Variants in SLC6A13 observed in about 807,000 individuals in gnomAD.
SLC6A13 encodes sodium- and chloride-dependent GABA transporter 2.
Under a neutral mutation model 72.9 loss-of-function variants are expected in SLC6A13, and 69 were observed. That is an observed-to-expected ratio of 0.95 (90% CI 0.78 to 1.16). The LOEUF is 1.16. Among genes scored for constraint, SLC6A13 ranks in the 50% most tolerant of loss-of-function variants. The pLI is 0.00. For missense variants in SLC6A13, 735 were observed against 760.5 expected (o/e 0.97, Z 0.39); for synonymous variants, 303 against 303.0 (o/e 1.00, Z 0.00).
chr12:240,239 T>C (rs1305836021), intron 4 of SLC6A13, among the ~76,000 whole-genome samples: 1 of 152,190 alleles, frequency 6.6e-6, no homozygotes, highest in Non-Finnish European at 1.5e-5. Flanking sequence ...AGTCTTTCTC[T>C]ATTACCCAGG....
intron 11 of SLC6A13, 115 bp downstream of exon 11, chr12:223,877 C>T: frequency 8.4e-7 from 1 of 1,189,588 alleles, no homozygotes; most frequent in Non-Finnish European, 1.2e-6. Flanking sequence ...GTCCTAGTGT[C>T]CAGAAGCCCA....
At chr12:258,841 C>T in intron 2 of SLC6A13, 1 of 826,930 alleles carries the variant, frequency 1.2e-6, no homozygotes, top group South Asian at 5.6e-5. Context: ...ACAACATGCA[C>T]ACATTTGTGC....
At chr12:223,914 G>GGT in intron 11 of SLC6A13, 78 bp downstream of exon 11, 1 of 1,528,498 alleles carries the variant, frequency 6.5e-7, no homozygotes, top group Admixed American at 1.7e-5. Flanking sequence ...CGGGAGCCAG[G>GGT]GTATCTGCCT....
intron 2 of SLC6A13, among the ~76,000 whole-genome samples, chr12:247,007 C>CAAAAA (rs747908813): frequency 8.8e-6 from 1 of 113,162 alleles, no homozygotes; most frequent in Non-Finnish European, 1.8e-5. Context: ...GACTCCATCT[C>CAAAAA]AAAAAAAAAA....
At chr12:225,150 T>C (rs977029617) in intron 9 of SLC6A13, among the ~76,000 whole-genome samples, 14 of 152,366 alleles carry the variant, frequency 9.2e-5, no homozygotes, top group African/African-American at 3.4e-4. Context: ...CAGGAAAACA[T>C]GCACGTAATA....
chr12:230,030 G>A (rs1941642991), intron 7 of SLC6A13, among the ~76,000 whole-genome samples: 1 of 152,108 alleles, frequency 6.6e-6, no homozygotes, highest in Non-Finnish European at 1.5e-5. Flanking sequence ...CTCGCTGGGA[G>A]CTTGGCAAGC....
chr12:225,506 C>T (rs543790118), intron 9 of SLC6A13, among the ~76,000 whole-genome samples: 8 of 152,188 alleles, frequency 5.3e-5, no homozygotes, highest in Admixed American at 1.3e-4. Context: ...AAAAATTAGC[C>T]GGGCGTGGTG....
intron 7 of SLC6A13, among the ~76,000 whole-genome samples, chr12:229,162 G>GGGAGGAAATCACACAGA (rs1941602363): frequency 6.6e-6 from 1 of 152,184 alleles, no homozygotes; most frequent in African/African-American, 2.4e-5. Flanking sequence ...GCTGGAGCCA[G>GGGAGGAAATCACACAGA]GGAGGAAATC....
intron 4 of SLC6A13, chr12:238,211 T>G: frequency 6.6e-7 from 1 of 1,526,290 alleles, no homozygotes; most frequent in Non-Finnish European, 8.8e-7. Context: ...CACTTGGACA[T>G]GTGGGTACAT....
intron 2 of SLC6A13, among the ~76,000 whole-genome samples, chr12:251,210 C>T (rs1469693597): frequency 1.3e-5 from 2 of 151,694 alleles, no homozygotes; most frequent in Non-Finnish European, 2.9e-5. Context: ...GTACTTAATT[C>T]CACCTGGTAT....
At chr12:235,051 C>A (rs780303664) in intron 7 of SLC6A13, 39 bp downstream of exon 7, 10 of 1,613,340 alleles carry the variant, frequency 6.2e-6, no homozygotes, top group Non-Finnish European at 8.5e-6. Context: ...CTCAGTTGCC[C>A]TGGGAGTCAC....
At chr12:257,590 C>T (rs1158691049) in intron 2 of SLC6A13, among the ~76,000 whole-genome samples, 17 of 152,082 alleles carry the variant, frequency 1.1e-4, no homozygotes. Flanking sequence ...CCACAGCCGC[C>T]GCCCTGCTGC....
chr12:243,887 C>A, intron 2 of SLC6A13, 74 bp from the exon 3 acceptor site: 1 of 1,427,806 alleles, frequency 7.0e-7, no homozygotes. Flanking sequence ...CCTCCCATTA[C>A]CAACCCATAC....
chr12:245,541 A>C (rs543016799), intron 2 of SLC6A13, among the ~76,000 whole-genome samples: 12 of 152,238 alleles, frequency 7.9e-5, no homozygotes, highest in Admixed American at 5.9e-4. Context: ...TTAGCCTGGC[A>C]TGGTGGCACG....
chr12:231,723 C>T (rs1033517980), intron 7 of SLC6A13, among the ~76,000 whole-genome samples: 6 of 152,236 alleles, frequency 3.9e-5, no homozygotes, highest in Admixed American at 2.6e-4. Flanking sequence ...GTCACCCAGA[C>T]AGAGACTTAT....
intron 1 of SLC6A13, among the ~76,000 whole-genome samples, chr12:260,808 T>C (rs1049233246): frequency 2.0e-5 from 3 of 152,374 alleles, no homozygotes; most frequent in Non-Finnish European, 4.4e-5. Flanking sequence ...AGGATAGCCA[T>C]GAAAATGTTT....
At chr12:231,345 G>C (rs922716453) in intron 7 of SLC6A13, among the ~76,000 whole-genome samples, 2 of 152,230 alleles carry the variant, frequency 1.3e-5, no homozygotes, top group African/African-American at 4.8e-5. Context: ...GTGCTTGGCA[G>C]AGAGATGCGT....
Position 220,810 on chromosome 12 carries a change from A to C in SLC6A13, c.*138T>G. ...TGCAGTGGGAGGCCTCCAGCTCAGC[A>C]GGTGGACTCCAAAATACCCCTCTTG... On this transcript the variant is annotated 3_prime_UTR_variant, in exon 15 of 15. Coordinates refer to ENST00000343164, the MANE Select transcript of SLC6A13 (RefSeq NM_016615.5). The C allele has an allele frequency of 2.0e-6, 2 of 1,024,280 alleles. No homozygotes were observed. Among genetic ancestry groups the C allele is most frequent in the Admixed American group, 5.0e-5 (2 of 40,356 alleles). 63.4% of individuals were successfully genotyped at this position (1,024,280 alleles called of 1,614,324 possible).
chr12:221,041 C>G lies in SLC6A13; in HGVS notation c.1716G>C (p.Glu572Asp), dbSNP rs1941181651. Residue 572 changes from glutamate (E) to aspartate (D), a missense_variant, in exon 15 of 15, where the codon GAG (glutamate) becomes GAC (aspartate). Transcript: ENST00000343164. The stretch of plus-strand genomic sequence containing the variant: ...CTGCTGGGTTCCGCTGGGGCAGGTC[C>G]TCGGCTGGGCACATGAGCTGACGGA... ...ERIRQLMCPA[E>D]DLPQRNPAGP... The G allele has an allele frequency of 6.2e-7, 1 of 1,610,400 alleles. No individual in the cohort carries two copies. The highest frequency in any genetic ancestry group is 8.5e-7 in the Non-Finnish European group (1 of 1,179,040).
Sources: gnomAD v4.1 joint callset for allele counts (sites outside exome capture counted in the v4.1 genomes callset) on GRCh38, gnomAD v4.1.1 for gene constraint, MANE v1.5 for transcripts, NCBI Gene and HGNC (gene_info 2026-07-23, HGNC 2026-07-21) for gene names.